PDE1C: variants seen among roughly 807,000 people sequenced by gnomAD.
The protein encoded by PDE1C is dual specificity calcium/calmodulin-dependent 3',5'-cyclic nucleotide phosphodiesterase 1C.
In PDE1C, 62 loss-of-function variants were observed where a neutral mutation model predicts 93.1. That is an observed-to-expected ratio of 0.67 (90% CI 0.54 to 0.82). PDE1C has a LOEUF of 0.82. Among genes scored for constraint, PDE1C ranks in the 40% least tolerant of loss-of-function variants. PDE1C has a pLI of 0.00. For missense variants in PDE1C, 742 were observed against 884.6 expected (o/e 0.84, Z 2.04); for synonymous variants, 325 against 310.1 (o/e 1.05, Z -0.50).
At chr7:32,118,322 T>C (rs946318317) in intron 3 of PDE1C, among the ~76,000 whole-genome samples, 3 of 152,174 alleles carry the variant, frequency 2.0e-5, no homozygotes, top group Admixed American at 6.5e-5. Context: ...AGGCTCTTTC[T>C]TTACTGTTCA....
chr7:31,693,610 A>G, the PDE1C span, among the ~76,000 whole-genome samples: 1 of 152,196 alleles, frequency 6.6e-6, no homozygotes, highest in East Asian at 1.9e-4. Context: ...ATGAGATCAT[A>G]TGTTCAGGGA....
chr7:32,075,338 A>G (rs749479689), upstream of PDE1C, among the ~76,000 whole-genome samples: 3 of 152,086 alleles, frequency 2.0e-5, no homozygotes, highest in Non-Finnish European at 4.4e-5. Context: ...TTGAGGGGGA[A>G]ATTCTGGAGA....
intron 2 of PDE1C, among the ~76,000 whole-genome samples, chr7:32,189,282 A>C (rs531079077): frequency 6.6e-6 from 1 of 152,338 alleles, no homozygotes; most frequent in Middle Eastern, 3.4e-3. Flanking sequence ...TTAGAACAAA[A>C]GCTTATCTGT....
rs1204272676 is a variant in PDE1C at position 32,238,666 on chromosome 7, C to A, written c.86-29127G>T. On this transcript the variant is annotated intron_variant, in intron 1 of 18. Transcript: ENST00000396193. ...CAGATATTAGCACTTAATTATGAAA[C>A]CATTAAGACAATGTTTTTATTGGCC... 3.3e-5 allele frequency among the ~76,000 whole-genome samples: 5 copies of A among 152,196 alleles called. No individual in the cohort carries two copies. In the East Asian group the frequency reaches 9.7e-4, roughly 29 times the overall value.
chr7:31,912,379 A>G (rs1801346404), intron 2 of PDE1C, among the ~76,000 whole-genome samples: 1 of 152,122 alleles, frequency 6.6e-6, no homozygotes, highest in Non-Finnish European at 1.5e-5. Flanking sequence ...TTTTTATATC[A>G]TGGTGTATTA....
At chr7:31,844,975 A>G (rs1792373361) in intron 9 of PDE1C, among the ~76,000 whole-genome samples, 1 of 152,066 alleles carries the variant, frequency 6.6e-6, no homozygotes, top group Admixed American at 6.6e-5. Context: ...TAGACATTTT[A>G]TTTTTCAGTT....
intron 3 of PDE1C, among the ~76,000 whole-genome samples, chr7:32,157,336 A>G (rs11976977): frequency 0.51 from 77,197 of 152,040 alleles, 19,803 homozygotes; most frequent in Middle Eastern, 0.66. Flanking sequence ...GAGGAGAACC[A>G]TAGAGTTCCC....
chr7:32,102,746 T>G, intron 3 of PDE1C, among the ~76,000 whole-genome samples: 1 of 152,238 alleles, frequency 6.6e-6, no homozygotes, highest in African/African-American at 2.4e-5. Flanking sequence ...GTTCCTGGTG[T>G]TGTCTCCTGG....
chr7:31,676,951 T>G, the PDE1C span, among the ~76,000 whole-genome samples: 1 of 152,222 alleles, frequency 6.6e-6, no homozygotes, highest in Admixed American at 6.5e-5. Context: ...CAGCATTCCA[T>G]CCAGTAACCA....
chr7:31,898,020 T>TTG (rs140101637), intron 2 of PDE1C, among the ~76,000 whole-genome samples: 7,807 of 145,900 alleles, frequency 0.054, 297 homozygotes, highest in East Asian at 0.2. Context: ...TTTGGTTTCT[T>TTG]TGTGTGTGTG....
At chr7:32,367,916 C>T (rs1050717856) in intron 1 of PDE1C, among the ~76,000 whole-genome samples, 8 of 151,656 alleles carry the variant, frequency 5.3e-5, no homozygotes, top group East Asian at 1.9e-4. Context: ...GCACTCCAGC[C>T]TGGATGACAG....
chr7:32,309,266 C>T (rs1399437742), intron 1 of PDE1C, among the ~76,000 whole-genome samples: 2 of 152,186 alleles, frequency 1.3e-5, no homozygotes, highest in African/African-American at 2.4e-5. Flanking sequence ...ACTAAACCTA[C>T]GTCTGATTGG....
the PDE1C span, chr7:31,692,433 C>G: frequency 3.1e-6 from 5 of 1,597,076 alleles, 1 homozygote; most frequent in Middle Eastern, 3.3e-4. Context: ...ATCCACCCAC[C>G]CTCCTTTGAT....
chr7:31,849,075 G>A (rs199901895), intron 8 of PDE1C, among the ~76,000 whole-genome samples: 3 of 152,282 alleles, frequency 2.0e-5, no homozygotes, highest in South Asian at 4.1e-4. Flanking sequence ...TGAACACATT[G>A]GAATTTTCCC....
intron 1 of PDE1C, among the ~76,000 whole-genome samples, chr7:32,273,943 T>C (rs1811128600): frequency 6.6e-6 from 1 of 152,216 alleles, no homozygotes; most frequent in Non-Finnish European, 1.5e-5. Context: ...CTGCATCTTT[T>C]CCAGAGATCT....
intron 1 of PDE1C, among the ~76,000 whole-genome samples, chr7:32,323,138 C>T (rs1783332499): frequency 6.6e-6 from 1 of 152,152 alleles, no homozygotes; most frequent in African/African-American, 2.4e-5. Context: ...TCTGTAGATC[C>T]ATGAGCAGGA....
intron 2 of PDE1C, among the ~76,000 whole-genome samples, chr7:31,957,762 T>C (rs180834806): frequency 6.6e-6 from 1 of 152,308 alleles, no homozygotes; most frequent in African/African-American, 2.4e-5. Flanking sequence ...GGCGTTGGTA[T>C]TGCTGGGTGG....
chr7:31,853,024 A>G (rs1793537905), intron 7 of PDE1C, among the ~76,000 whole-genome samples: 1 of 150,028 alleles, frequency 6.7e-6, no homozygotes, highest in African/African-American at 2.5e-5. Context: ...ACAGTGTAAC[A>G]TCTCAACGAA....
intron 17 of PDE1C, among the ~76,000 whole-genome samples, chr7:31,762,106 T>C (rs1177241921): frequency 6.6e-6 from 1 of 152,212 alleles, no homozygotes; most frequent in Non-Finnish European, 1.5e-5. Flanking sequence ...AGTAGCAGCA[T>C]GCTTTCCCAA....
Sources: gnomAD v4.1 joint callset for allele counts (sites outside exome capture counted in the v4.1 genomes callset) on GRCh38, gnomAD v4.1.1 for gene constraint, MANE v1.5 for transcripts, NCBI Gene and HGNC (gene_info 2026-07-23, HGNC 2026-07-21) for gene names.